Variants in FTCDNL1 observed in about 807,000 individuals in gnomAD.
FTCDNL1 encodes the protein formiminotransferase cyclodeaminase N-terminal like.
FTCDNL1 carries 11 observed loss-of-function variants against 5.9 expected under a neutral mutation model. The ratio of observed to expected loss-of-function variants is 1.87; its 90% CI spans 1.18 to 3.10. The LOEUF is 3.10. Among genes scored for constraint, FTCDNL1 ranks in the 30% most tolerant of loss-of-function variants. FTCDNL1 has a pLI of 0.00. For missense variants in FTCDNL1, 115 were observed against 65.5 expected, an observed-to-expected ratio of 1.76 and a Z score of -2.61; for synonymous variants, 58 against 24.8, an observed-to-expected ratio of 2.34 and a Z score of -3.99.
intron 3 of FTCDNL1, among the ~76,000 whole-genome samples, chr2:199,782,428 A>C (rs1223035447): frequency 2.0e-5 from 3 of 152,262 alleles, no homozygotes; most frequent in Non-Finnish European, 2.9e-5. Flanking sequence ...CCATCACCCC[A>C]CTATGTTCTT....
At chr2:199,797,821 G>A (rs1251271471) in intron 3 of FTCDNL1, among the ~76,000 whole-genome samples, 1 of 152,192 alleles carries the variant, frequency 6.6e-6, no homozygotes, top group Non-Finnish European at 1.5e-5. Context: ...GGAGAGAAAA[G>A]CTCCAATCTG....
chr2:199,734,952 T>C, the FTCDNL1 span, among the ~76,000 whole-genome samples: 1 of 152,068 alleles, frequency 6.6e-6, no homozygotes. Flanking sequence ...ACCCCACATG[T>C]CTGACAGAGC....
At chr2:199,731,723 C>T in the FTCDNL1 span, among the ~76,000 whole-genome samples, 1 of 152,016 alleles carries the variant, frequency 6.6e-6, no homozygotes, top group Non-Finnish European at 1.5e-5. Flanking sequence ...CCCGTCTCTA[C>T]TAAAAATACA....
intron 3 of FTCDNL1, among the ~76,000 whole-genome samples, chr2:199,792,876 A>G (rs76314462): frequency 6.6e-6 from 1 of 152,178 alleles, no homozygotes; most frequent in Non-Finnish European, 1.5e-5. Context: ...AGTACCAAAC[A>G]TAAGTAATTT....
chr2:199,822,808 C>T (rs886974238), intron 3 of FTCDNL1, among the ~76,000 whole-genome samples: 5 of 152,168 alleles, frequency 3.3e-5, no homozygotes, highest in Admixed American at 2.0e-4. Context: ...TCTTTTATTG[C>T]TTCATCCATA....
the FTCDNL1 span, among the ~76,000 whole-genome samples, chr2:199,680,961 G>T: frequency 6.6e-6 from 1 of 152,118 alleles, no homozygotes; most frequent in South Asian, 2.1e-4. Flanking sequence ...GCTGGGCAGG[G>T]TTCTGGCTTC....
chr2:199,824,802 C>A (rs542021596), intron 3 of FTCDNL1, among the ~76,000 whole-genome samples: 1 of 152,184 alleles, frequency 6.6e-6, no homozygotes, highest in East Asian at 1.9e-4. Flanking sequence ...TGATTCGTGG[C>A]ACCCCAAACA....
chr2:199,707,218 T>A, the FTCDNL1 span, among the ~76,000 whole-genome samples: 1 of 152,224 alleles, frequency 6.6e-6, no homozygotes, highest in African/African-American at 2.4e-5. Flanking sequence ...TCCCCACTCC[T>A]CAATTTTCTG....
intron 3 of FTCDNL1, among the ~76,000 whole-genome samples, chr2:199,841,750 C>A (rs1463929163): frequency 6.6e-6 from 1 of 152,156 alleles, no homozygotes; most frequent in Non-Finnish European, 1.5e-5. Flanking sequence ...TGTCCCTCAC[C>A]AGCAACAGCC....
intron 3 of FTCDNL1, among the ~76,000 whole-genome samples, chr2:199,779,780 G>A (rs1699270084): frequency 6.6e-6 from 1 of 152,198 alleles, no homozygotes; most frequent in South Asian, 2.1e-4. Flanking sequence ...CAGCAAATGT[G>A]CTTGAGATGG....
the FTCDNL1 span, among the ~76,000 whole-genome samples, chr2:199,692,077 A>C: frequency 6.6e-6 from 1 of 152,236 alleles, no homozygotes; most frequent in South Asian, 2.1e-4. Context: ...AGAACATACA[A>C]GACCAAGAAT....
Position 199,836,719 on chromosome 2 carries a change from T to C in FTCDNL1, c.211+9356A>G, listed in dbSNP as rs1386052766. On this transcript the variant is annotated intron_variant, in intron 3 of 4. Coordinates refer to ENST00000420128, the MANE Select transcript of FTCDNL1 (RefSeq NM_001363886.2). The stretch of plus-strand genomic sequence containing the variant: ...AGGTCAAGGCTACAGTGAGCCACAA[T>C]CATGCCACTGCACTCAGCCTGGGTG... Among the ~76,000 whole-genome samples the C allele has an allele frequency of 5.3e-5, 8 of 151,962 alleles. 1 individual carries two copies. The South Asian group carries it at 6.2e-4, about 12-fold the overall frequency.
chr2:199,726,975 G>A, the FTCDNL1 span, among the ~76,000 whole-genome samples: 1 of 152,228 alleles, frequency 6.6e-6, no homozygotes, highest in Non-Finnish European at 1.5e-5. Flanking sequence ...CACTTGTCCA[G>A]ACTGCCTGGA....
intron 3 of FTCDNL1, among the ~76,000 whole-genome samples, chr2:199,775,274 G>A (rs550646909): frequency 1.3e-5 from 2 of 152,334 alleles, no homozygotes; most frequent in South Asian, 4.1e-4. Flanking sequence ...AGTGAAGCCA[G>A]TAATATTAAG....
the FTCDNL1 span, among the ~76,000 whole-genome samples, chr2:199,679,008 C>T: frequency 1.3e-5 from 2 of 152,100 alleles, no homozygotes; most frequent in African/African-American, 4.8e-5. Context: ...CAAACTACTT[C>T]TCAGAAAGCT....
At chr2:199,752,740 C>CTCTG in the FTCDNL1 span, among the ~76,000 whole-genome samples, 11 of 30,702 alleles carry the variant, frequency 3.6e-4, no homozygotes, top group African/African-American at 5.1e-4. Flanking sequence ...CTCTCTCTCT[C>CTCTG]TGTGTGTGTG....
At chr2:199,720,195 A>G in the FTCDNL1 span, among the ~76,000 whole-genome samples, 3 of 152,250 alleles carry the variant, frequency 2.0e-5, no homozygotes, top group East Asian at 3.9e-4. Flanking sequence ...CTCTTCTCCA[A>G]TTTGGATGCC....
chr2:199,728,456 G>A, the FTCDNL1 span, among the ~76,000 whole-genome samples: 1 of 151,982 alleles, frequency 6.6e-6, no homozygotes, highest in South Asian at 2.1e-4. Context: ...CACTGTGTTG[G>A]TCAGGATGGT....
At chr2:199,735,600 T>TA in the FTCDNL1 span, among the ~76,000 whole-genome samples, 11 of 152,204 alleles carry the variant, frequency 7.2e-5, no homozygotes, top group South Asian at 2.1e-4. Context: ...TGTCCTCAGG[T>TA]AAAAAAACTT....
Sources: allele counts gnomAD v4.1 joint callset (sites outside exome capture counted in the v4.1 genomes callset), GRCh38; gene constraint gnomAD v4.1.1; transcripts MANE v1.5; gene names NCBI Gene and HGNC (gene_info 2026-07-23, HGNC 2026-07-21).